Variants in SYNPR observed in about 807,000 individuals in gnomAD.
SYNPR encodes synaptoporin.
A neutral mutation model predicts 32.9 loss-of-function variants in SYNPR; 23 were observed. The observed-to-expected ratio is 0.70, with a 90% CI of 0.50 to 0.99. SYNPR has a LOEUF of 0.99. Among genes scored for constraint, SYNPR ranks in the 50% least tolerant of loss-of-function variants. The pLI, the probability that SYNPR is intolerant of heterozygous loss-of-function variation, is 0.00. For missense variants in SYNPR, 318 were observed against 349.3 expected (o/e 0.91, Z 0.71); for synonymous variants, 146 against 135.9 (o/e 1.07, Z -0.52).
rs4373058 is a variant in SYNPR at position 63,562,367 on chromosome 3, A to T, written c.408+5626A>T. On this transcript the variant is annotated intron_variant, in intron 4 of 5. Coordinates refer to ENST00000478300, the MANE Select transcript of SYNPR (RefSeq NM_001130003.2). Reference sequence around the variant, plus strand: ...TAAATACCATCTCATGTTTCAGTGAATCTGTATTGCAAGACGTTTGGCTTA... The same window carrying T: ...TAAATACCATCTCATGTTTCAGTGATTCTGTATTGCAAGACGTTTGGCTTA... 2.7e-3 allele frequency among the ~76,000 whole-genome samples: 407 copies of T among 152,344 alleles called. 11 individuals are homozygous for T. In the East Asian group the frequency reaches 0.057, roughly 21 times the overall value.
chr3:63,506,166 T>C (rs762156226), intron 3 of SYNPR, among the ~76,000 whole-genome samples: 1 of 151,914 alleles, frequency 6.6e-6, no homozygotes, highest in African/African-American at 2.4e-5. Context: ...TCTCTTCTTC[T>C]TTCCTTTCTT....
At chr3:63,217,663 C>A in the SYNPR span, among the ~76,000 whole-genome samples, 1 of 151,602 alleles carries the variant, frequency 6.6e-6, no homozygotes, top group East Asian at 2.0e-4. Flanking sequence ...AGAAATCACC[C>A]GTCTTCTGCG....
chr3:63,273,045 ATGAT>A (rs1405400753), intron 3 of SYNPR, among the ~76,000 whole-genome samples: 2 of 152,152 alleles, frequency 1.3e-5, no homozygotes, highest in Admixed American at 6.5e-5. Context: ...AAAAATTACA[ATGAT>A]TGAGCATTTG....
chr3:63,325,218 C>T (rs559891510), intron 2 of SYNPR, among the ~76,000 whole-genome samples: 64 of 152,114 alleles, frequency 4.2e-4, no homozygotes, highest in Non-Finnish European at 7.4e-4. Flanking sequence ...AGAGACAGAA[C>T]GTTAATTAGA....
chr3:63,482,487 A>C (rs74954460), intron 3 of SYNPR, among the ~76,000 whole-genome samples: 1,638 of 152,218 alleles, frequency 0.011, 16 homozygotes, highest in Middle Eastern at 0.027. Flanking sequence ...GTCCTCCTCA[A>C]CCTTCTCCCT....
At chr3:63,312,826 C>T (rs186069850) in intron 2 of SYNPR, among the ~76,000 whole-genome samples, 4 of 152,150 alleles carry the variant, frequency 2.6e-5, no homozygotes, top group Non-Finnish European at 5.9e-5. Context: ...AACCTCTCTC[C>T]TGCCTTAGGA....
chr3:63,578,393 G>A (rs888626678), intron 4 of SYNPR, among the ~76,000 whole-genome samples: 1 of 152,134 alleles, frequency 6.6e-6, no homozygotes, highest in African/African-American at 2.4e-5. Flanking sequence ...GGTGTAAGGA[G>A]AGAGTGAGTT....
At chr3:63,205,670 C>T in the SYNPR span, among the ~76,000 whole-genome samples, 15 of 152,312 alleles carry the variant, frequency 9.8e-5, no homozygotes, top group South Asian at 2.1e-3. Context: ...GGAAAGAAAA[C>T]CTGTATTATT....
intron 3 of SYNPR, among the ~76,000 whole-genome samples, chr3:63,512,058 G>A (rs1253979387): frequency 2.6e-5 from 4 of 152,058 alleles, no homozygotes; most frequent in Non-Finnish European, 5.9e-5. Flanking sequence ...ACACAAGCGA[G>A]TAATTAGGAC....
intron 2 of SYNPR, among the ~76,000 whole-genome samples, chr3:63,344,037 G>A (rs948099705): frequency 6.6e-6 from 1 of 152,224 alleles, no homozygotes; most frequent in African/African-American, 2.4e-5. Context: ...CTCATATGCT[G>A]TTCAGAGGCG....
intron 3 of SYNPR, among the ~76,000 whole-genome samples, chr3:63,517,814 A>C (rs1415595738): frequency 6.6e-6 from 1 of 152,162 alleles, no homozygotes; most frequent in East Asian, 1.9e-4. Flanking sequence ...AGTTTAGTGT[A>C]CCTGACCCCA....
intron 3 of SYNPR, among the ~76,000 whole-genome samples, chr3:63,496,118 A>G (rs1199599121): frequency 2.0e-5 from 3 of 151,988 alleles, no homozygotes; most frequent in Non-Finnish European, 4.4e-5. Context: ...CTGATATTTA[A>G]AAAAAAGTAT....
At chr3:63,605,452 G>A (rs538862453) in intron 4 of SYNPR, among the ~76,000 whole-genome samples, 61 of 152,212 alleles carry the variant, frequency 4.0e-4, no homozygotes, top group Non-Finnish European at 7.1e-4. Flanking sequence ...TTTCCACACT[G>A]CTATTTCTAC....
At chr3:63,373,372 TAAGA>T (rs1485368493) in intron 2 of SYNPR, among the ~76,000 whole-genome samples, 1 of 152,130 alleles carries the variant, frequency 6.6e-6, no homozygotes, top group Non-Finnish European at 1.5e-5. Flanking sequence ...ACAGCCATCA[TAAGA>T]AAGAACCAAA....
chr3:63,335,783 T>C (rs1048334700), intron 2 of SYNPR, among the ~76,000 whole-genome samples: 1 of 146,622 alleles, frequency 6.8e-6, no homozygotes, highest in Non-Finnish European at 1.5e-5. Context: ...TTTTTTTTTT[T>C]TTTTTTTGAG....
At chr3:63,469,885 G>C (rs142216096) in intron 2 of SYNPR, among the ~76,000 whole-genome samples, 3 of 152,054 alleles carry the variant, frequency 2.0e-5, no homozygotes, top group East Asian at 3.9e-4. Context: ...TAATTCCAAA[G>C]GGAGTGGATT....
At chr3:63,486,040 C>A (rs544163515) in intron 3 of SYNPR, among the ~76,000 whole-genome samples, 1 of 152,170 alleles carries the variant, frequency 6.6e-6, no homozygotes. Context: ...TTCTGAGTAG[C>A]TGAGATTACA....
At chr3:63,319,550 A>T (rs2087085855) in intron 2 of SYNPR, among the ~76,000 whole-genome samples, 1 of 152,102 alleles carries the variant, frequency 6.6e-6, no homozygotes, top group African/African-American at 2.4e-5. Context: ...TAAACTACCT[A>T]GGAATAAACT....
intron 2 of SYNPR, among the ~76,000 whole-genome samples, chr3:63,297,408 T>C (rs565605821): frequency 7.9e-5 from 12 of 152,350 alleles, no homozygotes; most frequent in Non-Finnish European, 1.8e-4. Flanking sequence ...ATAAAACGAA[T>C]GACCTTTTTT....
Sources: gnomAD v4.1 joint callset for allele counts (sites outside exome capture counted in the v4.1 genomes callset) on GRCh38, gnomAD v4.1.1 for gene constraint, MANE v1.5 for transcripts, NCBI Gene and HGNC (gene_info 2026-07-23, HGNC 2026-07-21) for gene names.